Variants in DNM2 observed in about 807,000 individuals in gnomAD.
The protein encoded by DNM2 is dynamin 2, also known as dynamin-2.
DNM2 carries 15 observed loss-of-function variants against 99.0 expected under a neutral mutation model. The ratio of observed to expected loss-of-function variants is 0.15; its 90% CI spans 0.10 to 0.23. The LOEUF (loss-of-function observed/expected upper bound fraction) is 0.23. Among genes scored for constraint, DNM2 ranks in the 10% least tolerant of loss-of-function variants. DNM2 has a pLI of 1.00. For synonymous variants in DNM2, 525 were observed against 481.2 expected, an observed-to-expected ratio of 1.09 and a Z score of -1.19; for missense variants, 742 against 1,189.4, an observed-to-expected ratio of 0.62 and a Z score of 5.53.
At chr19:10,777,363 T>C (rs2071188860) in intron 5 of DNM2, 147 bp downstream of exon 5, 2 of 774,708 alleles carry the variant, frequency 2.6e-6, no homozygotes, top group Admixed American at 4.8e-5. Context: ...TTGAGCTATG[T>C]ATCTTTTTCT....
At chr19:10,804,095 C>G (rs534153091) in intron 12 of DNM2, among the ~76,000 whole-genome samples, 2 of 152,230 alleles carry the variant, frequency 1.3e-5, no homozygotes, top group East Asian at 3.9e-4. Context: ...GCCCCATCGC[C>G]AGGAGGGCCC....
In DNM2 at chr19:10,816,272, C is replaced by A. The variant is rs972327541; in HGVS notation, c.1672-3708C>A. 6.6e-6 allele frequency among the ~76,000 whole-genome samples: 1 copy of A among 152,092 alleles called. No individual in the cohort carries two copies. Among genetic ancestry groups the A allele is most frequent in the Non-Finnish European group, 1.5e-5 (1 of 68,016 alleles). On this transcript the variant is annotated intron_variant, in intron 15 of 20. Coordinates refer to ENST00000389253, the MANE Select transcript of DNM2 (RefSeq NM_001005361.3). This position sits in a 1 kb window ranked among gnomAD's most constrained non-coding sequence, Gnocchi z 4.6. ...GACATTGGGGGTGAAAGGATCATCCCGCTCCACATGAGGCCAGACGCTCAT... is the reference window on the plus strand; with the variant it reads ...GACATTGGGGGTGAAAGGATCATCCAGCTCCACATGAGGCCAGACGCTCAT...
chr19:10,770,439 G>T (rs1220162468), intron 2 of DNM2, among the ~76,000 whole-genome samples: 1 of 152,104 alleles, frequency 6.6e-6, no homozygotes, highest in East Asian at 1.9e-4. Context: ...ACAGTGTCTT[G>T]CTCTGTCGCC....
At chr19:10,733,995 G>A (rs1196952512) in intron 1 of DNM2, among the ~76,000 whole-genome samples, 2 of 151,118 alleles carry the variant, frequency 1.3e-5, no homozygotes, top group Non-Finnish European at 2.9e-5. Flanking sequence ...ACAACAAAAG[G>A]AGACTCCATC....
intron 10 of DNM2, 108 bp downstream of exon 10, chr19:10,797,626 G>A (rs940918166): frequency 1.6e-5 from 25 of 1,549,724 alleles, no homozygotes; most frequent in Non-Finnish European, 2.0e-5. Flanking sequence ...ACCCCCTTCC[G>A]CCTACCAGTT....
rs769617279 is a variant in DNM2, at chr19:10,830,959, G to A, written c.2544-19G>A. On this transcript the variant is annotated intron_variant, in intron 20 of 20. Coordinates refer to ENST00000389253, the MANE Select transcript of DNM2 (RefSeq NM_001005361.3). This position sits in a 1 kb window ranked among gnomAD's most constrained non-coding sequence, Gnocchi z 4.8. ...CACTGCCGTCTCCCCCTCCCCACCT[G>A]TCTTTATTCTCTTTGCAGCAGAAGA... 32 of 1,609,186 alleles carry A rather than the reference G, an allele frequency of 2.0e-5. No homozygotes were observed. In the Middle Eastern group the frequency reaches 4.9e-4, roughly 25 times the overall value.
At chr19:10,752,074 C>G (rs987835547) in intron 1 of DNM2, among the ~76,000 whole-genome samples, 1 of 151,672 alleles carries the variant, frequency 6.6e-6, no homozygotes, top group Non-Finnish European at 1.5e-5. Flanking sequence ...AAGGTGGGCA[C>G]GTAAAAGAGA....
rs988862212 is a variant in DNM2, at chr19:10,798,395, AC to A, written c.1336-85del. On this transcript the variant is annotated intron_variant, in intron 10 of 20. Coordinates refer to ENST00000389253, the MANE Select transcript of DNM2 (RefSeq NM_001005361.3). ...TGGGCCCCCTCATATCTCATTCCCC[AC>A]CCCCCTCCGCATTTTCTACCTGTGT... The A allele has an allele frequency of 5.8e-5, 49 of 845,312 alleles. 2 individuals carry two copies. The Admixed American group carries it at 7.5e-4, about 13-fold the overall frequency. 52.4% of individuals were successfully genotyped at this position (845,312 alleles called of 1,614,324 possible). A position where few individuals can be genotyped will look rare whatever the true frequency, so the allele number is the denominator to read the frequency against.
At chr19:10,774,003 G>C (rs1001859424) in intron 3 of DNM2, among the ~76,000 whole-genome samples, 8 of 152,182 alleles carry the variant, frequency 5.3e-5, no homozygotes, top group African/African-American at 1.9e-4. Context: ...ACCATGATGG[G>C]TTCCTTGCGA....
chr19:10,823,710 A>G, intron 16 of DNM2, 78 bp from the exon 17 acceptor site: 4 of 1,430,830 alleles, frequency 2.8e-6, no homozygotes, highest in Non-Finnish European at 3.9e-6. Context: ...AAAGACCCCT[A>G]GAGCCCATTC....
In DNM2 at chr19:10,795,311, A is replaced by C; in HGVS notation, c.1129-61A>C. On this transcript the variant is annotated intron_variant, in intron 8 of 20. Coordinates refer to ENST00000389253, the MANE Select transcript of DNM2 (RefSeq NM_001005361.3). The surrounding 1 kb of genome is among the most constrained non-coding windows in gnomAD (Gnocchi z 4.2). ...GTGGGAGAGAACGTTCCCCAGATGC[A>C]CGCCTGCCACGGGGGCGCCCCGGGT... 1 of 1,539,204 alleles carries C rather than the reference A, an allele frequency of 6.5e-7. No individual in the cohort carries two copies. Among genetic ancestry groups the C allele is most frequent in the Non-Finnish European group, 9.0e-7 (1 of 1,112,226 alleles).
At position 10,796,043 on chromosome 19, in the gene DNM2, G is replaced by A; in HGVS notation, c.1196+604G>A. On this transcript the variant is annotated intron_variant, in intron 9 of 20. Transcript: ENST00000389253. The surrounding 1 kb of genome is among the most constrained non-coding windows in gnomAD (Gnocchi z 5.6). ...TCTCTGACTTATCTCCCCTGCCCCC[G>A]GGTCTGGACGGTTTCAGGACCGGGC... is the stretch of plus-strand genomic sequence containing the variant. 1 of 1,612,886 alleles carries A rather than the reference G, an allele frequency of 6.2e-7. No individual in the cohort carries two copies. The highest frequency in any genetic ancestry group is 8.5e-7 in the Non-Finnish European group (1 of 1,179,986).
At chr19:10,826,141 C>T (rs2073136178) in intron 18 of DNM2, among the ~76,000 whole-genome samples, 2 of 152,136 alleles carry the variant, frequency 1.3e-5, no homozygotes, top group South Asian at 4.1e-4. Flanking sequence ...ACACTGGGTC[C>T]ATAGTCCCAT....
chr19:10,830,851 G>A lies in DNM2; in HGVS notation c.2544-127G>A, dbSNP rs1479675061. On this transcript the variant is annotated intron_variant, in intron 20 of 20. Transcript: ENST00000389253. This position sits in a 1 kb window ranked among gnomAD's most constrained non-coding sequence, Gnocchi z 4.8. ...CCTGCCCGACACCCTGGTGGCTTGC[G>A]GAGGTCAGCCTGGGAACACCCTGGG... 8.4e-6 allele frequency: 10 copies of A among 1,189,626 alleles called. No homozygotes were observed. The highest frequency in any genetic ancestry group is 1.6e-5 in the South Asian group (1 of 61,330). 73.7% of individuals were successfully genotyped at this position (1,189,626 alleles called of 1,614,324 possible).
intron 3 of DNM2, among the ~76,000 whole-genome samples, chr19:10,773,003 A>C (rs1049393097): frequency 7.2e-6 from 1 of 138,910 alleles, no homozygotes; most frequent in African/African-American, 2.7e-5. Flanking sequence ...TTTTTGAGAC[A>C]GAGTCTTGCT....
chr19:10,751,230 G>A (rs377233807), intron 1 of DNM2, among the ~76,000 whole-genome samples: 27 of 152,020 alleles, frequency 1.8e-4, no homozygotes, highest in Admixed American at 1.7e-3. Flanking sequence ...TCTTACTGAC[G>A]GGAAACCTAG....
chr19:10,783,259 A>G (rs977817761), intron 6 of DNM2, 139 bp downstream of exon 6: 3 of 1,329,664 alleles, frequency 2.3e-6, no homozygotes, highest in Non-Finnish European at 3.1e-6. Context: ...TTAGCCTAGG[A>G]GTTTGAGACC....
At chr19:10,788,198 A>G (rs1187940042) in intron 7 of DNM2, among the ~76,000 whole-genome samples, 2 of 151,778 alleles carry the variant, frequency 1.3e-5, no homozygotes, top group African/African-American at 4.8e-5. Flanking sequence ...GTGTCACTGC[A>G]TATCAGCCTG....
At chr19:10,779,502 C>CTTTCTTTTTTTTTTTTTTTTT (rs1290878626) in intron 5 of DNM2, among the ~76,000 whole-genome samples, 1 of 29,602 alleles carries the variant, frequency 3.4e-5, no homozygotes, top group South Asian at 1.8e-3. Context: ...TTCTTTCTTT[C>CTTTCTTTTTTTTTTTTTTTTT]TTTTTTTTTT....
Sources: gnomAD v4.1 joint callset for allele counts (sites outside exome capture counted in the v4.1 genomes callset) on GRCh38, gnomAD v4.1.1 for gene constraint, Gnocchi (gnomAD v3.1) non-coding constraint, MANE v1.5 for transcripts, NCBI Gene and HGNC (gene_info 2026-07-23, HGNC 2026-07-21) for gene names.